The following UBE4B variants were observed in gnomAD, a reference collection of about 807,000 sequenced individuals.
The protein encoded by UBE4B is ubiquitination factor E4B.
Under a neutral mutation model 148.1 loss-of-function variants are expected in UBE4B, and 27 were observed. That is an observed-to-expected ratio of 0.18 (90% CI 0.13 to 0.25). UBE4B has a LOEUF of 0.25. Among genes scored for constraint, UBE4B ranks in the 10% least tolerant of loss-of-function variants. UBE4B has a pLI of 1.00. For missense variants in UBE4B, 1,170 were observed against 1,662.4 expected (o/e 0.70, Z 5.15); for synonymous variants, 596 against 619.3 (o/e 0.96, Z 0.56).
chr1:10,096,065 G>C lies in UBE4B; in HGVS notation c.347+469G>C, dbSNP rs557814750. 5.9e-5 allele frequency among the ~76,000 whole-genome samples: 9 copies of C among 152,174 alleles called. No individual in the cohort carries two copies. The South Asian group carries it at 1.9e-3, about 32-fold the overall frequency. ...GGATTACAGGTATGAGCCACTGTGC[G>C]TGGCCCACTATACTTGCATATTAAA... On this transcript the variant is annotated intron_variant, in intron 3 of 27. Transcript: ENST00000343090.
At chr1:10,134,383 G>A (rs1351763973) in intron 15 of UBE4B, among the ~76,000 whole-genome samples, 1 of 151,610 alleles carries the variant, frequency 6.6e-6, no homozygotes, top group Non-Finnish European at 1.5e-5. Context: ...GTGGTGGCGG[G>A]TGCCTGTAAT....
chr1:10,162,424 C>T (rs1353110749), intron 23 of UBE4B, among the ~76,000 whole-genome samples: 9 of 152,136 alleles, frequency 5.9e-5, no homozygotes, highest in African/African-American at 1.2e-4. Flanking sequence ...CCGCCTTCCT[C>T]GGCCTCCCAA....
chr1:10,060,278 T>C (rs1644259254), intron 1 of UBE4B, among the ~76,000 whole-genome samples: 1 of 152,186 alleles, frequency 6.6e-6, no homozygotes, highest in Admixed American at 6.5e-5. Context: ...CTCTATAGTA[T>C]AACTCCTTGG....
intron 19 of UBE4B, among the ~76,000 whole-genome samples, chr1:10,148,088 G>A (rs1365915804): frequency 2.6e-5 from 4 of 151,884 alleles, no homozygotes; most frequent in African/African-American, 7.2e-5. Flanking sequence ...TTAGCTGGGC[G>A]CTGTGGCGGG....
At chr1:10,119,990 G>C (rs79153118) in intron 9 of UBE4B, among the ~76,000 whole-genome samples, 1 of 142,892 alleles carries the variant, frequency 7.0e-6, no homozygotes, top group Non-Finnish European at 1.6e-5. Flanking sequence ...GTATAACACG[G>C]TCAATTTCTG....
At chr1:10,140,176 G>A (rs1645762899) in intron 17 of UBE4B, among the ~76,000 whole-genome samples, 1 of 152,054 alleles carries the variant, frequency 6.6e-6, no homozygotes, top group Non-Finnish European at 1.5e-5. Flanking sequence ...TTATTACTCA[G>A]TTCAAAATGT....
At chr1:10,123,000 T>C (rs1027409013) in intron 10 of UBE4B, among the ~76,000 whole-genome samples, 3 of 152,230 alleles carry the variant, frequency 2.0e-5, no homozygotes, top group Non-Finnish European at 4.4e-5. Flanking sequence ...GAATAAAAAT[T>C]CCAGTTAGTG....
At position 10,061,741 on chromosome 1, in the gene UBE4B, G is replaced by A. The variant is rs148905031; in HGVS notation, c.25-10287G>A. 5.2e-3 allele frequency among the ~76,000 whole-genome samples: 795 copies of A among 152,156 alleles called. 2 individuals carry two copies. The highest frequency in any genetic ancestry group is 7.7e-3 in the Admixed American group (118 of 15,264). ...TCTACCCAGAAATCAAGCCGCACCA[G>A]CAAAGCTGATGCTTGGATCTCTTCA... On this transcript the variant is annotated intron_variant, in intron 1 of 27. Coordinates refer to ENST00000343090, the MANE Select transcript of UBE4B (RefSeq NM_001105562.3).
chr1:10,083,380 A>T (rs1411390657), intron 2 of UBE4B, among the ~76,000 whole-genome samples: 1 of 151,976 alleles, frequency 6.6e-6, no homozygotes, highest in East Asian at 1.9e-4. Context: ...ATTTCCCCTC[A>T]TTTTCCTTCT....
At position 10,138,082 on chromosome 1, in the gene UBE4B, G is replaced by A. The variant is rs188438172; in HGVS notation, c.2363+877G>A. On this transcript the variant is annotated intron_variant, in intron 17 of 27. Transcript: ENST00000343090. ...CCCGAGTAGCTGGGATTACAGATGT[G>A]CACCACCACGCCTGGCCAATTTTTT... Among the ~76,000 whole-genome samples the A allele has an allele frequency of 4.7e-3, 699 of 149,586 alleles. 9 individuals carry two copies. Among genetic ancestry groups the A allele is most frequent in the African/African-American group, 0.016 (656 of 40,628 alleles).
In UBE4B at chr1:10,111,603, A is replaced by T. The variant is rs556059251; in HGVS notation, c.1196+5020A>T. On this transcript the variant is annotated intron_variant, in intron 7 of 27. Coordinates refer to ENST00000343090, the MANE Select transcript of UBE4B (RefSeq NM_001105562.3). ...CTAGAACACAGAACATCCATTAGCA[A>T]CATTTGTTTAATGAATTTATAGTGC... Among the ~76,000 whole-genome samples the T allele has an allele frequency of 4.1e-4, 63 of 152,280 alleles. 1 individual carries two copies. Among genetic ancestry groups the T allele is most frequent in the Non-Finnish European group, 6.8e-4 (46 of 68,028 alleles).
rs202058348 is a variant in UBE4B at position 10,126,826 on chromosome 1, T to G, written c.1587T>G (p.Leu529=). The part of the protein sequence containing the change: ...IFIPILQGLA[L]AAKECSLDSD... Reference sequence around the variant, plus strand: ...TCCCCATTTTACAAGGCCTGGCTCTTGCTGCCAAAGAGTGCTCCCTCGACA... The same window carrying G: ...TCCCCATTTTACAAGGCCTGGCTCTGGCTGCCAAAGAGTGCTCCCTCGACA... Residue 529 remains leucine (L), a synonymous_variant, in exon 11 of 28, where the codon CTT becomes CTG. Coordinates refer to ENST00000343090, the MANE Select transcript of UBE4B (RefSeq NM_001105562.3). The G allele has an allele frequency of 1.1e-4, 177 of 1,614,168 alleles. No individual in the cohort carries two copies. In the East Asian group the frequency reaches 3.7e-3, roughly 34 times the overall value.
At chr1:10,074,509 C>T (rs1644545495) in intron 2 of UBE4B, among the ~76,000 whole-genome samples, 1 of 152,168 alleles carries the variant, frequency 6.6e-6, no homozygotes, top group Non-Finnish European at 1.5e-5. Context: ...CCTCTCCATC[C>T]CCTTCTGCCC....
intron 9 of UBE4B, 49 bp from the exon 10 acceptor site, chr1:10,121,913 C>G (rs1450876953): frequency 2.0e-5 from 26 of 1,292,252 alleles, no homozygotes; most frequent in Non-Finnish European, 2.9e-5. Context: ...TCACGTGCCT[C>G]TGTAGTGAGT....
intron 1 of UBE4B, among the ~76,000 whole-genome samples, chr1:10,061,582 G>A (rs1010625486): frequency 6.6e-6 from 1 of 152,082 alleles, no homozygotes; most frequent in Non-Finnish European, 1.5e-5. Context: ...ATTGAGTGAA[G>A]GGCATTGCCT....
chr1:10,130,878 T>C, intron 14 of UBE4B, 65 bp downstream of exon 14: 1 of 1,419,698 alleles, frequency 7.0e-7, no homozygotes, highest in African/African-American at 1.4e-5. Flanking sequence ...AGAGCTTTTA[T>C]TTTGTAGACT....
Position 10,072,012 on chromosome 1 carries a change from T to C in UBE4B, c.25-16T>C. 6.4e-7 allele frequency: 1 copy of C among 1,560,552 alleles called. No individual in the cohort carries two copies. Among genetic ancestry groups the C allele is most frequent in the Middle Eastern group, 1.7e-4 (1 of 5,868 alleles). On this transcript the variant is annotated splice_polypyrimidine_tract_variant and intron_variant, in intron 1 of 27. Coordinates refer to ENST00000343090, the MANE Select transcript of UBE4B (RefSeq NM_001105562.3). ...GCTGATTAGTTATAGAATGCCCTTT[T>C]CCCCTCATGTTGTAGATTCGACGGA...
intron 25 of UBE4B, among the ~76,000 whole-genome samples, chr1:10,175,501 A>G (rs1464712327): frequency 7.1e-6 from 1 of 141,392 alleles, no homozygotes; most frequent in Admixed American, 6.8e-5. Flanking sequence ...AATACAAAAA[A>G]TTAGCCAGGC....
chr1:10,053,065 A>G (rs1425721053), intron 1 of UBE4B, among the ~76,000 whole-genome samples: 1 of 152,050 alleles, frequency 6.6e-6, no homozygotes, highest in African/African-American at 2.4e-5. Flanking sequence ...CCCATCTCCT[A>G]ATTTCATCAG....
Sources: allele counts gnomAD v4.1 joint callset (sites outside exome capture counted in the v4.1 genomes callset), GRCh38; gene constraint gnomAD v4.1.1; transcripts MANE v1.5; gene names NCBI Gene and HGNC (gene_info 2026-07-23, HGNC 2026-07-21).